The following MTUS2 variants were observed in gnomAD, a reference collection of about 807,000 sequenced individuals.
The protein encoded by MTUS2 is microtubule associated scaffold protein 2.
In MTUS2, 40 loss-of-function variants were observed where a neutral mutation model predicts 114.1. That is an observed-to-expected ratio of 0.35 (90% CI 0.27 to 0.46). The LOEUF (loss-of-function observed/expected upper bound fraction) is 0.46, where lower values mean the gene tolerates loss of function less well. MTUS2 is among the 20% of genes least tolerant of loss of function. The pLI, the probability that MTUS2 is intolerant of heterozygous loss-of-function variation, is 1.00. For synonymous variants in MTUS2, 688 were observed against 672.0 expected (o/e 1.02, Z -0.37); for missense variants, 1,679 against 1,705.4 (o/e 0.98, Z 0.27).
intron 2 of MTUS2, among the ~76,000 whole-genome samples, chr13:28,977,952 G>A (rs553067458): frequency 6.6e-6 from 1 of 152,042 alleles, no homozygotes; most frequent in African/African-American, 2.4e-5. Context: ...CTCTTTCCCG[G>A]ACTACCACAG....
intron 2 of MTUS2, among the ~76,000 whole-genome samples, chr13:28,849,605 C>G (rs1421920076): frequency 1.3e-5 from 2 of 152,174 alleles, no homozygotes; most frequent in Admixed American, 6.5e-5. Flanking sequence ...ACAGCCAGCT[C>G]AGAAATTACC....
At chr13:28,880,869 A>T (rs1167716779) in intron 2 of MTUS2, among the ~76,000 whole-genome samples, 1 of 152,210 alleles carries the variant, frequency 6.6e-6, no homozygotes, top group Non-Finnish European at 1.5e-5. Context: ...GGAGTTCTAG[A>T]ATAGATTATA....
chr13:28,956,991 C>T (rs1402550776), intron 2 of MTUS2, among the ~76,000 whole-genome samples: 2 of 149,972 alleles, frequency 1.3e-5, no homozygotes, highest in Non-Finnish European at 3.0e-5. Context: ...GGTGAGCTGG[C>T]GGGAAGGAAG....
At chr13:29,036,419 C>A (rs1459642235) in intron 4 of MTUS2, among the ~76,000 whole-genome samples, 1 of 152,116 alleles carries the variant, frequency 6.6e-6, no homozygotes. Context: ...TACATCTAAC[C>A]TCCTTACAAT....
chr13:29,062,888 TAA>T (rs1386745969), intron 4 of MTUS2, among the ~76,000 whole-genome samples: 1 of 152,216 alleles, frequency 6.6e-6, no homozygotes, highest in Non-Finnish European at 1.5e-5. Context: ...TTCTGGAGAA[TAA>T]AAGAATCTGA....
At chr13:29,000,524 G>T (rs542157233) in intron 2 of MTUS2, among the ~76,000 whole-genome samples, 1 of 151,672 alleles carries the variant, frequency 6.6e-6, no homozygotes, top group African/African-American at 2.4e-5. Flanking sequence ...CACCACACCC[G>T]GGTAATTTTT....
At chr13:29,098,447 AACACACACAC>A (rs56898077) in intron 4 of MTUS2, among the ~76,000 whole-genome samples, 12 of 151,348 alleles carry the variant, frequency 7.9e-5, no homozygotes, top group Non-Finnish European at 1.3e-4. Flanking sequence ...AAGTCATCTA[AACACACACAC>A]ACACACACAC....
intron 10 of MTUS2, among the ~76,000 whole-genome samples, chr13:29,486,379 A>G (rs1250142661): frequency 6.6e-6 from 1 of 152,140 alleles, no homozygotes; most frequent in Non-Finnish European, 1.5e-5. Flanking sequence ...ATGGGAAACC[A>G]CCCTTTTTTA....
At position 29,297,721 on chromosome 13, in the gene MTUS2, G is replaced by A. The variant is rs987592988; in HGVS notation, c.2806+15856G>A. Among the ~76,000 whole-genome samples the A allele has an allele frequency of 2.6e-5, 4 of 152,146 alleles. 1 individual carries two copies. Among genetic ancestry groups the A allele is most frequent in the Non-Finnish European group, 2.9e-5 (2 of 68,016 alleles). The stretch of plus-strand genomic sequence containing the variant: ...TCCCTCTTAGGGGTTTCAGATGCAG[G>A]CGAAGAGCTAATGCCCTGTCCTAAA... On this transcript the variant is annotated intron_variant, in intron 6 of 15. Coordinates refer to ENST00000612955, the MANE Select transcript of MTUS2 (RefSeq NM_001033602.4).
intron 8 of MTUS2, among the ~76,000 whole-genome samples, chr13:29,389,375 A>ATGTATACACGTGTGTGTGTG (rs1440970853): frequency 5.5e-5 from 2 of 36,600 alleles, no homozygotes; most frequent in Non-Finnish European, 1.3e-4. Context: ...ACGTGTGTGT[A>ATGTATACACGTGTGTGTGTG]TATATGTATA....
chr13:29,017,879 G>C (rs940921889), intron 2 of MTUS2, among the ~76,000 whole-genome samples: 1 of 152,182 alleles, frequency 6.6e-6, no homozygotes, highest in African/African-American at 2.4e-5. Context: ...ATTTCATAAA[G>C]GGAATAAGAC....
At chr13:29,400,409 G>T (rs1874238699) in intron 8 of MTUS2, among the ~76,000 whole-genome samples, 1 of 152,232 alleles carries the variant, frequency 6.6e-6, no homozygotes, top group African/African-American at 2.4e-5. Context: ...TTATGAATCA[G>T]TTGAGATCTT....
At position 29,034,547 on chromosome 13, in the gene MTUS2, A is replaced by G. The variant is rs575281054; in HGVS notation, c.2446+422A>G. The stretch of plus-strand genomic sequence containing the variant: ...CAAAGAAGTTCCAGACTCACTGGGC[A>G]TGGGCTGCAAGAGAGAAAGCCATGG... On this transcript the variant is annotated intron_variant, in intron 4 of 15. Coordinates refer to ENST00000612955, the MANE Select transcript of MTUS2 (RefSeq NM_001033602.4). Among the ~76,000 whole-genome samples the G allele has an allele frequency of 7.2e-5, 11 of 152,336 alleles. No homozygotes were observed. In the South Asian group the frequency reaches 2.1e-3, roughly 29 times the overall value.
chr13:29,200,840 G>A (rs540476925), intron 5 of MTUS2, among the ~76,000 whole-genome samples: 7 of 152,098 alleles, frequency 4.6e-5, no homozygotes, highest in South Asian at 2.1e-4. Flanking sequence ...TCTTAATCCC[G>A]AGTTCTAATT....
intron 1 of MTUS2, among the ~76,000 whole-genome samples, chr13:28,823,245 C>T (rs1249377821): frequency 1.3e-5 from 2 of 152,262 alleles, no homozygotes; most frequent in Non-Finnish European, 2.9e-5. Context: ...CAAACAAACT[C>T]ATTCCTCGAA....
intron 1 of MTUS2, among the ~76,000 whole-genome samples, chr13:28,827,815 G>A (rs1168602921): frequency 1.3e-5 from 2 of 152,206 alleles, no homozygotes; most frequent in East Asian, 3.8e-4. Flanking sequence ...TACGAATAGT[G>A]TGTGGGTCAC....
intron 5 of MTUS2, among the ~76,000 whole-genome samples, chr13:29,223,607 C>G (rs73166492): frequency 0.087 from 13,175 of 152,244 alleles, 841 homozygotes; most frequent in East Asian, 0.31. Flanking sequence ...TCTGGCTCAC[C>G]CTCCACCTCT....
At chr13:28,897,098 C>A (rs1879320671) in intron 2 of MTUS2, among the ~76,000 whole-genome samples, 1 of 152,130 alleles carries the variant, frequency 6.6e-6, no homozygotes, top group Non-Finnish European at 1.5e-5. Flanking sequence ...AAGAAACTAC[C>A]ATCAGAGTGA....
chr13:28,949,775 A>G, intron 2 of MTUS2, among the ~76,000 whole-genome samples: 1 of 152,206 alleles, frequency 6.6e-6, no homozygotes, highest in Non-Finnish European at 1.5e-5. Flanking sequence ...ATGTTATAGA[A>G]TGTGCCAGGA....
Sources: gnomAD v4.1 joint callset for allele counts (sites outside exome capture counted in the v4.1 genomes callset) on GRCh38, gnomAD v4.1.1 for gene constraint, MANE v1.5 for transcripts, NCBI Gene and HGNC (gene_info 2026-07-23, HGNC 2026-07-21) for gene names.